ZZEF1: variants seen among roughly 807,000 people sequenced by gnomAD.
The protein encoded by ZZEF1 is zinc finger ZZ-type and EF-hand domain-containing protein 1.
ZZEF1 carries 157 observed loss-of-function variants against 342.8 expected under a neutral mutation model. That is an observed-to-expected ratio of 0.46 (90% CI 0.40 to 0.52). The LOEUF is 0.52. ZZEF1 is among the 20% of genes least tolerant of loss of function. The pLI is 0.00. For synonymous variants in ZZEF1, 1,505 were observed against 1,429.1 expected (o/e 1.05, Z -1.20); for missense variants, 3,480 against 3,725.6 (o/e 0.93, Z 1.72).
intron 1 of ZZEF1, 73 bp downstream of exon 1, chr17:4,142,469 T>G: frequency 6.7e-7 from 1 of 1,501,206 alleles, no homozygotes; most frequent in East Asian, 2.4e-5. Context: ...CCAAAGCAAA[T>G]GCCCACCTCT....
At chr17:4,130,375 C>G (rs1170791597) in intron 1 of ZZEF1, among the ~76,000 whole-genome samples, 1 of 152,138 alleles carries the variant, frequency 6.6e-6, no homozygotes, top group Non-Finnish European at 1.5e-5. Flanking sequence ...ATCGCTTGAA[C>G]CCAGGAGGTG....
chr17:4,033,127 T>C (rs1292105409), intron 40 of ZZEF1, 125 bp from the exon 41 acceptor site: 7 of 902,318 alleles, frequency 7.8e-6, no homozygotes, highest in South Asian at 3.8e-5. Flanking sequence ...GCTTAAAAAC[T>C]ACCAGAATAA....
At chr17:4,081,039 C>G (rs781745952) in intron 18 of ZZEF1, among the ~76,000 whole-genome samples, 5 of 151,954 alleles carry the variant, frequency 3.3e-5, no homozygotes, top group Non-Finnish European at 7.4e-5. Context: ...GAGTTCAAGA[C>G]CAGCCTGGGC....
intron 13 of ZZEF1, 21 bp downstream of exon 13, chr17:4,088,657 T>G: frequency 1.2e-6 from 2 of 1,611,988 alleles, no homozygotes; most frequent in Non-Finnish European, 8.5e-7. Context: ...GAATGCCGTC[T>G]AACAACTGAG....
Position 4,056,327 on chromosome 17 carries a change from ATCT to A in ZZEF1, c.5181_5183del (p.Glu1727del). ...AATTCTGCTTGGCATCAGCAAGCTC[ATCT>A]TCTTCACTCCATTGGCTGAAAGAAG... On this transcript the variant is annotated inframe_deletion, in exon 33 of 55. Coordinates refer to ENST00000381638, the MANE Select transcript of ZZEF1 (RefSeq NM_015113.4). 6.3e-7 allele frequency: 1 copy of A among 1,597,568 alleles called. No homozygotes were observed. Among genetic ancestry groups the A allele is most frequent in the Non-Finnish European group, 8.5e-7 (1 of 1,172,084 alleles).
intron 2 of ZZEF1, among the ~76,000 whole-genome samples, chr17:4,122,972 A>T (rs1337899903): frequency 1.5e-5 from 2 of 137,504 alleles, no homozygotes. Flanking sequence ...CTGGCTGGAG[A>T]GCAGTGGTGC....
Position 4,070,795 on chromosome 17 carries a change from C to T in ZZEF1, c.3964G>A (p.Ala1322Thr), listed in dbSNP as rs781738305. The T allele has an allele frequency of 1.9e-6, 3 of 1,614,138 alleles. No individual in the cohort carries two copies. Among genetic ancestry groups the T allele is most frequent in the Admixed American group, 1.7e-5 (1 of 60,008 alleles). Residue 1322 changes from alanine to threonine, a missense_variant, in exon 26 of 55, where the codon GCC becomes ACC. Coordinates refer to ENST00000381638, the MANE Select transcript of ZZEF1 (RefSeq NM_015113.4). ...CCAGCAACTATATCTGTCTTTGGGG[C>T]CTGTTTTCTACATGCCTGTATGAAT... The part of the protein sequence containing the change: ...KGFIQACRKQ[A>T]PKTDIVAGST...
chr17:4,114,180 GATTC>G (rs2058357740), intron 4 of ZZEF1, 115 bp downstream of exon 4: 1 of 720,946 alleles, frequency 1.4e-6, no homozygotes, highest in African/African-American at 1.8e-5. Flanking sequence ...GATTTTACAT[GATTC>G]ATTTTACTTG....
rs763274441 is a variant in ZZEF1, at chr17:4,022,769, C to G, written c.7152G>C (p.Leu2384=). The G allele has an allele frequency of 1.2e-6, 2 of 1,613,680 alleles. No individual in the cohort carries two copies. The highest frequency in any genetic ancestry group is 1.6e-4 in the Middle Eastern group (1 of 6,084). ...TFLQTDLLKL[L]VKKCSKGTGF... ...CAGTCCCTTTGCTGCACTTTTTCAC[C>G]AGCAACTTCAGCAAATCGGTCTGAA... The change falls in exon 44 of 55, where the codon CTG becomes CTC. Residue 2384 remains leucine (L), a synonymous_variant. Transcript: ENST00000381638.
intron 23 of ZZEF1, among the ~76,000 whole-genome samples, chr17:4,074,732 G>A (rs1432415997): frequency 6.6e-6 from 1 of 152,194 alleles, no homozygotes; most frequent in East Asian, 1.9e-4. Flanking sequence ...CTAACTGTGA[G>A]GCAGACTCTT....
chr17:4,096,072 C>A, intron 10 of ZZEF1, 93 bp from the exon 11 acceptor site: 1 of 1,327,884 alleles, frequency 7.5e-7, no homozygotes, highest in Non-Finnish European at 1.0e-6. Context: ...CAGGTTAAAA[C>A]AAAACGAGAC....
rs751134825 is a variant in ZZEF1, at chr17:4,017,918, C to T, written c.7559G>A (p.Arg2520Gln). The T allele has an allele frequency of 1.9e-5, 30 of 1,614,008 alleles. No individual in the cohort carries two copies. Among genetic ancestry groups the T allele is most frequent in the Admixed American group, 5.0e-5 (3 of 60,008 alleles). The change falls in exon 47 of 55, where the codon CGG (arginine) becomes CAG (glutamine). Residue 2520 changes from arginine to glutamine, a missense_variant. Physicochemically the swap from Arg to Gln is conservative, Grantham distance 43. This residue lies in a region of ZZEF1 where 1,269 missense variants were observed against 1,342.4 expected (regional missense o/e 0.95). Coordinates refer to ENST00000381638, the MANE Select transcript of ZZEF1 (RefSeq NM_015113.4). The surrounding 1 kb of genome is among the most constrained non-coding windows in gnomAD (Gnocchi z 5.1). ...CCTCAGACTCTTACTGGGCTGCCACCGCTGAGCCAGGGACCGTATCCTTTC... is the reference window on the plus strand; with the variant it reads ...CCTCAGACTCTTACTGGGCTGCCACTGCTGAGCCAGGGACCGTATCCTTTC... ...TDERIRSLAQ[R>Q]WQPSKSLRLE...
chr17:4,049,769 G>C lies in ZZEF1; in HGVS notation c.5954C>G (p.Ala1985Gly). The stretch of plus-strand genomic sequence containing the variant: ...TTTCTTCTCTAGCTGCTCCTCTGAC[G>C]CTCCGGTGGGCACAGTGACTGGTAG... ...QALPVTVPTG[A>G]SEEQLEKKAV... The change falls in exon 37 of 55, where the codon GCG becomes GGG. Residue 1985 changes from alanine (A) to glycine (G), a missense_variant. Ala to Gly is a moderately conservative substitution (Grantham distance 60). Transcript: ENST00000381638. The C allele has an allele frequency of 6.2e-7, 1 of 1,614,126 alleles. No homozygotes were observed. The highest frequency in any genetic ancestry group is 8.5e-7 in the Non-Finnish European group (1 of 1,180,026).
In ZZEF1 at chr17:4,014,460, C is replaced by T. The variant is rs764920983; in HGVS notation, c.8201G>A (p.Cys2734Tyr). 1.9e-6 allele frequency: 3 copies of T among 1,614,104 alleles called. No individual in the cohort carries two copies. Among genetic ancestry groups the T allele is most frequent in the South Asian group, 2.2e-5 (2 of 91,088 alleles). ...IYLSIKFDSQCNTEEGCDELA... is the reference protein window; with the variant it reads ...IYLSIKFDSQYNTEEGCDELA... The stretch of plus-strand genomic sequence containing the variant: ...CTCGTCACAGCCCTCCTCTGTGTTG[C>T]ACTGAGAGTCGAATTTGATTGAGAG... The change falls in exon 50 of 55, where the codon TGC (cysteine) becomes TAC (tyrosine). Residue 2734 changes from cysteine to tyrosine, a missense_variant. Coordinates refer to ENST00000381638, the MANE Select transcript of ZZEF1 (RefSeq NM_015113.4). The surrounding 1 kb of genome is among the most constrained non-coding windows in gnomAD (Gnocchi z 4.4).
chr17:4,046,461 C>T lies in ZZEF1; in HGVS notation c.6016-2087G>A, dbSNP rs185577636. Among the ~76,000 whole-genome samples the T allele has an allele frequency of 2.2e-4, 33 of 152,310 alleles. 1 individual carries two copies. In the East Asian group the frequency reaches 4.1e-3, roughly 19 times the overall value. On this transcript the variant is annotated intron_variant, in intron 37 of 54. Coordinates refer to ENST00000381638, the MANE Select transcript of ZZEF1 (RefSeq NM_015113.4). ...CAGCTTCAGGTCTGAGAAGGCCAAA[C>T]GTTGACTTTCACTCTTTGGGGCCAA...
chr17:4,135,792 A>C (rs1481327379), intron 1 of ZZEF1, among the ~76,000 whole-genome samples: 1 of 152,118 alleles, frequency 6.6e-6, no homozygotes, highest in Non-Finnish European at 1.5e-5. Flanking sequence ...CTATGGTCTC[A>C]GTCTCATTCC....
intron 32 of ZZEF1, 97 bp downstream of exon 32, chr17:4,057,897 G>C (rs141334219): frequency 4.7e-6 from 6 of 1,284,934 alleles, no homozygotes; most frequent in Middle Eastern, 4.1e-4. Flanking sequence ...GACACAGACA[G>C]TCTAGCTCCG....
chr17:4,062,866 T>C lies in ZZEF1; in HGVS notation c.4770A>G (p.Glu1590=). ...LRKAQAQSIL[E]VLKITQHCAE... ...CACAGTGCTGAGTTATCTTCAGGAC[T>C]TCCAGGATGCTCTGGGCCTGGGCTT... is the stretch of plus-strand genomic sequence containing the variant. The change falls in exon 30 of 55, where the codon GAA becomes GAG. Residue 1590 remains glutamate (E), a synonymous_variant. Transcript: ENST00000381638. 1 of 1,613,388 alleles carries C rather than the reference T, an allele frequency of 6.2e-7. No individual in the cohort carries two copies. The highest frequency in any genetic ancestry group is 1.1e-5 in the South Asian group (1 of 91,014).
chr17:4,013,264 T>C (rs1294871110), intron 52 of ZZEF1, among the ~76,000 whole-genome samples, 185 bp downstream of exon 52: 3 of 151,946 alleles, frequency 2.0e-5, no homozygotes, highest in African/African-American at 7.3e-5. Flanking sequence ...GACCTTCGAG[T>C]AAGGCAAACA....
Sources: allele counts gnomAD v4.1 joint callset (sites outside exome capture counted in the v4.1 genomes callset), GRCh38; gene constraint gnomAD v4.1.1; regional missense constraint gnomAD v4.1.1; non-coding constraint Gnocchi (gnomAD v3.1); transcripts MANE v1.5; gene names NCBI Gene and HGNC (gene_info 2026-07-23, HGNC 2026-07-21).